The following WDHD1 variants were observed in gnomAD, a reference collection of about 807,000 sequenced individuals.
The protein encoded by WDHD1 is WD repeat and HMG-box DNA binding protein 1.
Under a neutral mutation model 135.4 loss-of-function variants are expected in WDHD1, and 111 were observed. The observed-to-expected ratio is 0.82, with a 90% CI of 0.70 to 0.96. The LOEUF (loss-of-function observed/expected upper bound fraction) is 0.96. Ranked by LOEUF, WDHD1 falls within the 40% of genes least tolerant of loss-of-function variation. WDHD1 has a pLI of 0.00. For synonymous variants in WDHD1, 434 were observed against 439.0 expected (o/e 0.99, Z 0.14); for missense variants, 1,351 against 1,336.3 (o/e 1.01, Z -0.17).
chr14:55,002,227 A>C (rs377700717), intron 7 of WDHD1, 42 bp from the exon 8 acceptor site: 19 of 1,383,462 alleles, frequency 1.4e-5, no homozygotes, highest in Non-Finnish European at 1.7e-5. Context: ...GTTTACATTA[A>C]ATTGAATTTG....
chr14:54,995,937 T>A, intron 10 of WDHD1, 124 bp from the exon 11 acceptor site: 1 of 638,596 alleles, frequency 1.6e-6, no homozygotes, highest in Non-Finnish European at 2.6e-6. Context: ...ACTGAACAGA[T>A]AAGAATAATT....
intron 25 of WDHD1, among the ~76,000 whole-genome samples, chr14:54,942,967 A>C (rs2040862316): frequency 6.6e-6 from 1 of 152,354 alleles, no homozygotes; most frequent in South Asian, 2.1e-4. Context: ...GAGAAACATA[A>C]AATTGTAAAT....
Position 55,026,618 on chromosome 14 carries a change from G to A in WDHD1, c.77+93C>T, listed in dbSNP as rs551235291. On this transcript the variant is annotated intron_variant, in intron 2 of 25. Coordinates refer to ENST00000360586, the MANE Select transcript of WDHD1 (RefSeq NM_007086.4). Reference sequence around the variant, plus strand: ...AGATTTCAACATTATTCCTCTATCCGCATGAGTCATTTTTAGCTGACTGCA... The same window carrying A: ...AGATTTCAACATTATTCCTCTATCCACATGAGTCATTTTTAGCTGACTGCA... The A allele has an allele frequency of 5.0e-6, 6 of 1,207,722 alleles. No homozygotes were observed. The South Asian group carries it at 7.3e-5, about 15-fold the overall frequency. 74.8% of individuals were successfully genotyped at this position (1,207,722 alleles called of 1,614,324 possible). A position where few individuals can be genotyped will look rare whatever the true frequency, so the allele number is the denominator to read the frequency against.
rs1256089489 is a variant in WDHD1, at chr14:54,957,606, C to T, written c.2731G>A (p.Val911Ile). 3 of 1,606,076 alleles carry T rather than the reference C, an allele frequency of 1.9e-6. No homozygotes were observed. Among genetic ancestry groups the T allele is most frequent in the Non-Finnish European group, 2.5e-6 (3 of 1,178,060 alleles). ...GAAGAGTTTACCTTAAAGGGATTTA[C>T]TCGTCCTTGGCTGCTAAAGGTAACT... ...GAVTFSSQGR[V>I]NPFKVSASSK... Residue 911 changes from valine (V) to isoleucine (I), a missense_variant, in exon 22 of 26, where the codon GTA becomes ATA. Around this residue, in one of 2 missense-constraint regions of WDHD1, gnomAD observed 1,330 missense variants for 1,296.1 expected, o/e 1.03. Coordinates refer to ENST00000360586, the MANE Select transcript of WDHD1 (RefSeq NM_007086.4).
chr14:55,017,091 GA>G (rs2042273095), intron 2 of WDHD1, among the ~76,000 whole-genome samples: 1 of 152,206 alleles, frequency 6.6e-6, no homozygotes. Flanking sequence ...TCATTCTGCT[GA>G]AAGTGAAATA....
chr14:54,948,722 G>A, intron 24 of WDHD1, among the ~76,000 whole-genome samples: 1 of 152,316 alleles, frequency 6.6e-6, no homozygotes, highest in East Asian at 1.9e-4. Flanking sequence ...GTGGGTCCAT[G>A]ATCCACAAGT....
chr14:54,944,252 C>T (rs375700038), intron 25 of WDHD1, 80 bp downstream of exon 25: 4 of 1,572,402 alleles, frequency 2.5e-6, no homozygotes, highest in African/African-American at 1.4e-5. Flanking sequence ...GACACCATAC[C>T]CAGCCAAAAG....
At chr14:54,981,829 C>A in intron 15 of WDHD1, 133 bp from the exon 16 acceptor site, 2 of 500,986 alleles carry the variant, frequency 4.0e-6, no homozygotes, top group Middle Eastern at 3.0e-4. Flanking sequence ...AGCAAATAAT[C>A]TAAGATTATT....
At chr14:54,967,252 A>G in intron 17 of WDHD1, 28 bp downstream of exon 17, 1 of 1,552,066 alleles carries the variant, frequency 6.4e-7, no homozygotes, top group Non-Finnish European at 8.9e-7. Context: ...TATCAAATTC[A>G]AAGTGTCAAG....
chr14:55,008,431 A>C (rs1049370071), intron 5 of WDHD1, 65 bp from the exon 6 acceptor site: 4 of 1,539,362 alleles, frequency 2.6e-6, no homozygotes, highest in Middle Eastern at 1.7e-4. Context: ...AAGTGGTTCA[A>C]TTAATTAAAT....
In WDHD1 at chr14:54,967,357, G is replaced by A. The variant is rs756726171; in HGVS notation, c.2101C>T (p.Leu701Phe). 2 of 1,612,328 alleles carry A rather than the reference G, an allele frequency of 1.2e-6. No individual in the cohort carries two copies. The highest frequency in any genetic ancestry group is 1.1e-5 in the South Asian group (1 of 90,980). The change falls in exon 17 of 26, where the codon CTT becomes TTT. Residue 701 changes from leucine to phenylalanine, a missense_variant. By Grantham distance (22) the Leu-to-Phe change is conservative. Transcript: ENST00000360586. ...PCKGSRFPPT[L>F]PRPAVAILSF... ...AATATAGCAACAGCAGGGCGTGGAA[G>A]GGTTGGGGGAAACCGAGAACCTTTA...
intron 24 of WDHD1, among the ~76,000 whole-genome samples, chr14:54,945,183 C>T (rs2040902478): frequency 6.6e-6 from 1 of 152,186 alleles, no homozygotes; most frequent in African/African-American, 2.4e-5. Flanking sequence ...TTTGCCATCG[C>T]CTCACCCTTG....
At chr14:54,945,477 T>A (rs2040907257) in intron 24 of WDHD1, among the ~76,000 whole-genome samples, 1 of 152,138 alleles carries the variant, frequency 6.6e-6, no homozygotes, top group African/African-American at 2.4e-5. Context: ...AAATAACCTA[T>A]CCCAGGTTAC....
chr14:54,996,731 T>TCA (rs1555370657), intron 10 of WDHD1, among the ~76,000 whole-genome samples: 1 of 151,954 alleles, frequency 6.6e-6, no homozygotes, highest in African/African-American at 2.4e-5. Flanking sequence ...TAGTTTGGTA[T>TCA]AAGTCTAATG....
intron 23 of WDHD1, among the ~76,000 whole-genome samples, chr14:54,955,911 T>G (rs1470197041): frequency 6.7e-6 from 1 of 148,298 alleles, no homozygotes; most frequent in Non-Finnish European, 1.5e-5. Flanking sequence ...TTTTTTTTTT[T>G]TTTTGAGACG....
intron 21 of WDHD1, 52 bp from the exon 22 acceptor site, chr14:54,957,687 C>T (rs1318959022): frequency 2.8e-6 from 4 of 1,406,440 alleles, no homozygotes; most frequent in South Asian, 1.2e-5. Flanking sequence ...TAGATGACTT[C>T]TGACATCTAT....
In WDHD1 at chr14:54,997,224, T is replaced by C. The variant is rs925124251; in HGVS notation, c.943-1411A>G. 2.0e-5 allele frequency among the ~76,000 whole-genome samples: 3 copies of C among 150,738 alleles called. No individual in the cohort carries two copies. The South Asian group carries it at 6.4e-4, about 32-fold the overall frequency. The stretch of plus-strand genomic sequence containing the variant: ...GATTTTCCTGCCTCAGCTTCCTGAG[T>C]ACCTGGGTTTACAGGCCTACACAAC... On this transcript the variant is annotated intron_variant, in intron 10 of 25. Coordinates refer to ENST00000360586, the MANE Select transcript of WDHD1 (RefSeq NM_007086.4).
intron 16 of WDHD1, among the ~76,000 whole-genome samples, chr14:54,971,503 T>C (rs773426387): frequency 1.4e-4 from 22 of 151,980 alleles, no homozygotes; most frequent in Non-Finnish European, 1.9e-4. Flanking sequence ...ACACACAAAA[T>C]ACCTAGGATA....
At chr14:54,991,900 A>G (rs1566731013) in intron 11 of WDHD1, among the ~76,000 whole-genome samples, 1 of 152,246 alleles carries the variant, frequency 6.6e-6, no homozygotes, top group Non-Finnish European at 1.5e-5. Flanking sequence ...TTGTAAATGA[A>G]TGAAGTGAGC....
Sources: allele counts gnomAD v4.1 joint callset (sites outside exome capture counted in the v4.1 genomes callset), GRCh38; gene constraint gnomAD v4.1.1; regional missense constraint gnomAD v4.1.1; transcripts MANE v1.5; gene names NCBI Gene and HGNC (gene_info 2026-07-23, HGNC 2026-07-21).